Variants in SLC8A1 observed in about 807,000 individuals in gnomAD.
The protein encoded by SLC8A1 is sodium/calcium exchanger 1.
In SLC8A1, 18 loss-of-function variants were observed where a neutral mutation model predicts 68.3. The ratio of observed to expected loss-of-function variants is 0.26; its 90% CI spans 0.18 to 0.39. SLC8A1 has a LOEUF of 0.39. SLC8A1 is among the 10% of genes least tolerant of loss of function. The pLI is 1.00. For synonymous variants in SLC8A1, 475 were observed against 415.5 expected (o/e 1.14, Z -1.74); for missense variants, 985 against 1,156.7 (o/e 0.85, Z 2.15).
intron 1 of SLC8A1, among the ~76,000 whole-genome samples, chr2:40,506,448 G>A (rs1706375128): frequency 6.6e-6 from 1 of 151,850 alleles, no homozygotes; most frequent in African/African-American, 2.4e-5. Flanking sequence ...TTGAACATAA[G>A]CTAAATTCAT....
intron 2 of SLC8A1, among the ~76,000 whole-genome samples, chr2:40,422,100 A>G (rs1035243914): frequency 6.6e-6 from 1 of 152,020 alleles, no homozygotes; most frequent in Non-Finnish European, 1.5e-5. Context: ...CACCCAAGGC[A>G]GTTACGAAGA....
rs563324615 is a variant in SLC8A1 at position 40,375,964 on chromosome 2, A to C, written c.1808+52509T>G. 2.0e-5 allele frequency among the ~76,000 whole-genome samples: 3 copies of C among 152,218 alleles called. No individual in the cohort carries two copies. The East Asian group carries it at 5.8e-4, about 30-fold the overall frequency. ...TACAGTGAGCTGAGACAGCACCACTACACTCCAGCTTGGGTGACAGAGCAA... is the reference window on the plus strand; with the variant it reads ...TACAGTGAGCTGAGACAGCACCACTCCACTCCAGCTTGGGTGACAGAGCAA... On this transcript the variant is annotated intron_variant, in intron 2 of 7. Transcript: ENST00000406785.
intron 2 of SLC8A1, among the ~76,000 whole-genome samples, chr2:40,272,309 A>G (rs978749189): frequency 6.6e-6 from 1 of 152,180 alleles, no homozygotes; most frequent in African/African-American, 2.4e-5. Flanking sequence ...CAAGAACATG[A>G]TCAGTTTGGG....
At chr2:40,184,349 G>C (rs1229839980) in intron 2 of SLC8A1, among the ~76,000 whole-genome samples, 1 of 152,140 alleles carries the variant, frequency 6.6e-6, no homozygotes, top group African/African-American at 2.4e-5. Flanking sequence ...GATCTAATTA[G>C]CAAGGTAGGT....
chr2:40,329,964 A>T (rs1395709691), intron 2 of SLC8A1, among the ~76,000 whole-genome samples: 1 of 152,204 alleles, frequency 6.6e-6, no homozygotes, highest in African/African-American at 2.4e-5. Context: ...AAGGGGGGGA[A>T]AAACAAGACA....
intron 7 of SLC8A1, among the ~76,000 whole-genome samples, chr2:40,116,063 A>C (rs1277357022): frequency 1.3e-5 from 2 of 152,294 alleles, no homozygotes; most frequent in East Asian, 3.9e-4. Context: ...ATCCTAAAAG[A>C]TTCTAGGTCA....
chr2:40,346,195 A>G (rs901730765), intron 2 of SLC8A1, among the ~76,000 whole-genome samples: 4 of 151,852 alleles, frequency 2.6e-5, no homozygotes, highest in Admixed American at 6.6e-5. Context: ...GTACATCTCT[A>G]TATTTAGGGT....
At chr2:40,239,793 T>A (rs2060962712) in intron 2 of SLC8A1, among the ~76,000 whole-genome samples, 2 of 152,186 alleles carry the variant, frequency 1.3e-5, no homozygotes, top group Non-Finnish European at 2.9e-5. Flanking sequence ...GTTACAGGAG[T>A]GAAGTACAAT....
At chr2:40,349,998 A>G (rs970886405) in intron 2 of SLC8A1, among the ~76,000 whole-genome samples, 3 of 152,266 alleles carry the variant, frequency 2.0e-5, no homozygotes, top group African/African-American at 7.2e-5. Context: ...TAAAAATCAG[A>G]GATTAGAATT....
chr2:40,313,239 T>C (rs116518660), intron 2 of SLC8A1, among the ~76,000 whole-genome samples: 1,689 of 152,242 alleles, frequency 0.011, 31 homozygotes, highest in African/African-American at 0.038. Flanking sequence ...AGCCTAATTA[T>C]TTTAAGAGTC....
At chr2:40,346,019 A>T in intron 2 of SLC8A1, among the ~76,000 whole-genome samples, 1 of 148,644 alleles carries the variant, frequency 6.7e-6, no homozygotes, top group African/African-American at 2.5e-5. Context: ...AAATTAAAAT[A>T]AATAAACACA....
intron 2 of SLC8A1, among the ~76,000 whole-genome samples, chr2:40,259,856 T>C (rs2064451873): frequency 6.6e-6 from 1 of 152,212 alleles, no homozygotes; most frequent in South Asian, 2.1e-4. Context: ...ATGTATCTTC[T>C]ATTAGTTTCT....
chr2:40,346,519 C>T (rs1033261284), intron 2 of SLC8A1, among the ~76,000 whole-genome samples: 3 of 152,098 alleles, frequency 2.0e-5, no homozygotes, highest in African/African-American at 4.8e-5. Context: ...ACCATGCCGC[C>T]GTCAGAGTTA....
Position 40,215,630 on chromosome 2 carries a change from C to T in SLC8A1, c.1809-37775G>A, listed in dbSNP as rs1353792717. Among the ~76,000 whole-genome samples the T allele has an allele frequency of 4.7e-5, 5 of 106,654 alleles. No homozygotes were observed. In the South Asian group the frequency reaches 8.8e-4, roughly 19 times the overall value. The allele number at this position is 106,654 out of a possible 152,430, so 70.0% of individuals were successfully genotyped here. On this transcript the variant is annotated intron_variant, in intron 2 of 7. Transcript: ENST00000406785. ...CCGCAGTCCGGCCTGGGCGACAAAG[C>T]GAGACTCCGTCTCAAAAAAAAAAAA...
intron 2 of SLC8A1, among the ~76,000 whole-genome samples, chr2:40,311,387 A>T (rs999613728): frequency 4.0e-5 from 6 of 151,430 alleles, no homozygotes; most frequent in African/African-American, 1.5e-4. Flanking sequence ...AAAAATTAAA[A>T]ATAAATAAAT....
chr2:40,115,866 A>C (rs981771860), intron 7 of SLC8A1, among the ~76,000 whole-genome samples: 1 of 152,200 alleles, frequency 6.6e-6, no homozygotes, highest in Non-Finnish European at 1.5e-5. Flanking sequence ...ATCTTGGTCA[A>C]GTTTTGTATC....
intron 2 of SLC8A1, among the ~76,000 whole-genome samples, chr2:40,316,750 C>T (rs970313545): frequency 6.6e-6 from 1 of 151,926 alleles, no homozygotes; most frequent in African/African-American, 2.4e-5. Flanking sequence ...ACGTGGCTGT[C>T]CAAAATACCT....
intron 2 of SLC8A1, among the ~76,000 whole-genome samples, chr2:40,401,415 T>C (rs1032525186): frequency 4.0e-5 from 6 of 148,260 alleles, no homozygotes; most frequent in African/African-American, 2.7e-5. Flanking sequence ...TACCTGTTTT[T>C]CTTCTATGCT....
At chr2:40,130,553 C>A (rs895811076) in intron 7 of SLC8A1, among the ~76,000 whole-genome samples, 1 of 152,234 alleles carries the variant, frequency 6.6e-6, no homozygotes, top group Non-Finnish European at 1.5e-5. Context: ...GGCCTGACTG[C>A]AGATCTGAGG....
Sources: gnomAD v4.1 joint callset for allele counts (sites outside exome capture counted in the v4.1 genomes callset) on GRCh38, gnomAD v4.1.1 for gene constraint, MANE v1.5 for transcripts, NCBI Gene and HGNC (gene_info 2026-07-23, HGNC 2026-07-21) for gene names.